FLNB: variants seen among roughly 807,000 people sequenced by gnomAD.
The protein encoded by FLNB is filamin-B.
In FLNB, 111 loss-of-function variants were observed where a neutral mutation model predicts 250.6. The observed-to-expected ratio is 0.44, with a 90% confidence interval of 0.38 to 0.52. The LOEUF (loss-of-function observed/expected upper bound fraction) is 0.52, where lower values mean the gene tolerates loss of function less well. Ranked by LOEUF, FLNB falls within the 20% of genes least tolerant of loss-of-function variation. FLNB has a pLI of 0.00. For synonymous variants in FLNB, 1,302 were observed against 1,372.1 expected (o/e 0.95, Z 1.13); for missense variants, 2,869 against 3,447.8 (o/e 0.83, Z 4.20).
Position 58,138,314 on chromosome 3 carries a change from G to C in FLNB, c.4894G>C (p.Glu1632Gln), listed in dbSNP as rs768316224. Residue 1632 changes from glutamate (E) to glutamine (Q), a missense_variant, in exon 29 of 46, where the codon GAA becomes CAA. Around this residue, in one of 5 missense-constraint regions of FLNB, gnomAD observed 1,084 missense variants for 1,315.5 expected, o/e 0.82. Coordinates refer to ENST00000295956, the MANE Select transcript of FLNB (RefSeq NM_001457.4). ...PGIASTVKTG[E>Q]EVGFVVDAKT... ...AATCGCCTCCACTGTGAAAACTGGC[G>C]AAGAAGTAGGCTTTGTGGTTGATGC... 1 of 1,614,058 alleles carries C rather than the reference G, an allele frequency of 6.2e-7. No homozygotes were observed. Among genetic ancestry groups the C allele is most frequent in the African/African-American group, 1.3e-5 (1 of 74,934 alleles).
At chr3:58,135,350 C>T (rs1261095720) in intron 27 of FLNB, among the ~76,000 whole-genome samples, 2 of 152,224 alleles carry the variant, frequency 1.3e-5, no homozygotes, top group Non-Finnish European at 2.9e-5. Context: ...CTCTCTGCTC[C>T]TCTACCTAGC....
chr3:58,117,655 C>T (rs1469200082), intron 18 of FLNB, among the ~76,000 whole-genome samples: 1 of 151,302 alleles, frequency 6.6e-6, no homozygotes, highest in Non-Finnish European at 1.5e-5. Flanking sequence ...CCTTGGCTGG[C>T]TCCCAGCTCT....
At chr3:58,060,065 G>C (rs527962247) in intron 1 of FLNB, among the ~76,000 whole-genome samples, 3 of 152,208 alleles carry the variant, frequency 2.0e-5, no homozygotes, top group Non-Finnish European at 2.9e-5. Flanking sequence ...TAAGGATTCA[G>C]GGGGGTAACT....
chr3:58,163,300 T>A lies in FLNB; in HGVS notation c.7168T>A (p.Tyr2390Asn), dbSNP rs1328022005. ...QAGNPALVSA[Y>N]GTGLEGGTTG... The stretch of plus-strand genomic sequence containing the variant: ...GGGGAACCCTGCCCTGGTGTCCGCC[T>A]ATGGCACGGGACTCGAAGGGGGCAC... Residue 2390 changes from tyrosine to asparagine, a missense_variant, in exon 43 of 46, where the codon TAT becomes AAT. Coordinates refer to ENST00000295956, the MANE Select transcript of FLNB (RefSeq NM_001457.4). 3.7e-6 allele frequency: 6 copies of A among 1,614,116 alleles called. No homozygotes were observed. The African/African-American group carries it at 5.3e-5, about 14-fold the overall frequency.
chr3:58,126,265 T>C (rs2097297665), intron 23 of FLNB, among the ~76,000 whole-genome samples: 1 of 152,068 alleles, frequency 6.6e-6, no homozygotes, highest in Admixed American at 6.5e-5. Flanking sequence ...TAATCCCAGC[T>C]ACTACTTGGG....
chr3:58,109,376 C>G, intron 14 of FLNB, 54 bp downstream of exon 14: 3 of 1,592,158 alleles, frequency 1.9e-6, no homozygotes, highest in Non-Finnish European at 2.6e-6. Context: ...GGTCATACAC[C>G]AGGTCTGGGA....
chr3:58,160,810 T>C (rs1302722200), intron 42 of FLNB, among the ~76,000 whole-genome samples: 1 of 151,912 alleles, frequency 6.6e-6, no homozygotes, highest in East Asian at 1.9e-4. Flanking sequence ...GTGAGACCCC[T>C]TCTCTACAAA....
rs9848629 is a variant in FLNB, at chr3:58,134,926, G to T, written c.4671+154G>T. 0.012 allele frequency among the ~76,000 whole-genome samples: 1,889 copies of T among 152,352 alleles called. 47 individuals are homozygous for T. The highest frequency in any genetic ancestry group is 0.043 in the African/African-American group (1,785 of 41,580). On this transcript the variant is annotated intron_variant, in intron 27 of 45. Coordinates refer to ENST00000295956, the MANE Select transcript of FLNB (RefSeq NM_001457.4). ...AAGAGTCAGTAAATGTGCAGAAGCA[G>T]AAGCAGCTCACCTGAGAGATTTGAG...
chr3:58,158,429 G>A (rs550038876), intron 41 of FLNB, among the ~76,000 whole-genome samples: 1 of 152,176 alleles, frequency 6.6e-6, no homozygotes, highest in Non-Finnish European at 1.5e-5. Context: ...TTGCCATGAA[G>A]ATGTGGTTCT....
chr3:58,076,064 T>A (rs1304961395), intron 1 of FLNB, among the ~76,000 whole-genome samples: 1 of 152,160 alleles, frequency 6.6e-6, no homozygotes, highest in African/African-American at 2.4e-5. Flanking sequence ...TGGGCACTTA[T>A]CCTCCTCACA....
chr3:58,084,329 G>T (rs1208560151), intron 4 of FLNB, among the ~76,000 whole-genome samples: 2 of 152,112 alleles, frequency 1.3e-5, no homozygotes, highest in Admixed American at 1.3e-4. Context: ...TTGTCAACCA[G>T]ATTGGTCAAA....
chr3:58,088,866 G>C (rs2097221561), intron 4 of FLNB, among the ~76,000 whole-genome samples: 1 of 152,178 alleles, frequency 6.6e-6, no homozygotes, highest in African/African-American at 2.4e-5. Flanking sequence ...TGGAGGAGCA[G>C]TAATGAGGCA....
chr3:58,142,690 G>C lies in FLNB; in HGVS notation c.5222G>C (p.Gly1741Ala), dbSNP rs961859965. 6.2e-7 allele frequency: 1 copy of C among 1,614,238 alleles called. No individual in the cohort carries two copies. Among genetic ancestry groups the C allele is most frequent in the African/African-American group, 1.3e-5 (1 of 75,068 alleles). Residue 1741 changes from glycine to alanine, a missense_variant, in exon 31 of 46, where the codon GGC (glycine) becomes GCC (alanine). Gly to Ala is a moderately conservative substitution (Grantham distance 60). This residue lies in a region of FLNB where 1,084 missense variants were observed against 1,315.5 expected (regional missense o/e 0.82). Transcript: ENST00000295956. This position sits in a 1 kb window ranked among gnomAD's most constrained non-coding sequence, Gnocchi z 4.3. Reference sequence around the variant, plus strand: ...TATGTCCCAGTGAGTGACATGAACGGCCTGGGATTTAAGCCTTTTGACCTG... The same window carrying C: ...TATGTCCCAGTGAGTGACATGAACGCCCTGGGATTTAAGCCTTTTGACCTG... ...EAYVPVSDMN[G>A]LGFKPFDLVI...
intron 1 of FLNB, among the ~76,000 whole-genome samples, chr3:58,057,068 C>T (rs149725665): frequency 1.0e-3 from 153 of 152,298 alleles, no homozygotes; most frequent in African/African-American, 3.6e-3. Context: ...CAGCCTTGAC[C>T]TCCTGGGCTC....
chr3:58,149,988 A>C lies in FLNB; in HGVS notation c.6230A>C (p.Asp2077Ala). The C allele has an allele frequency of 6.2e-7, 1 of 1,614,246 alleles. No homozygotes were observed. Residue 2077 changes from aspartate (D) to alanine (A), a missense_variant, in exon 37 of 46, where the codon GAC (aspartate) becomes GCC (alanine). Coordinates refer to ENST00000295956, the MANE Select transcript of FLNB (RefSeq NM_001457.4). Reference sequence around the variant, plus strand: ...TATATCGTCTCCACCAAATTCGCTGACGAGCACGTGCCTGGTATGTGCATT... The same window carrying C: ...TATATCGTCTCCACCAAATTCGCTGCCGAGCACGTGCCTGGTATGTGCATT... ...GVYIVSTKFA[D>A]EHVPGSPFTV...
intron 43 of FLNB, chr3:58,165,105 C>T (rs982034743): frequency 6.6e-6 from 1 of 152,324 alleles, no homozygotes; most frequent in Non-Finnish European, 1.5e-5. Flanking sequence ...CAGGTGGGGT[C>T]CTCTCGGCAC....
chr3:58,093,827 G>C (rs959079992), intron 4 of FLNB, among the ~76,000 whole-genome samples: 1 of 152,140 alleles, frequency 6.6e-6, no homozygotes, highest in African/African-American at 2.4e-5. Flanking sequence ...AACAACCTGG[G>C]TGAACCTGTA....
At chr3:58,020,342 C>T (rs1269719863) in intron 1 of FLNB, among the ~76,000 whole-genome samples, 2 of 152,172 alleles carry the variant, frequency 1.3e-5, no homozygotes, top group African/African-American at 2.4e-5. Flanking sequence ...AGCCTGCTTC[C>T]AATCCAAGCA....
chr3:58,108,120 A>G (rs1240529967), intron 12 of FLNB, among the ~76,000 whole-genome samples: 2 of 152,004 alleles, frequency 1.3e-5, no homozygotes, highest in African/African-American at 4.8e-5. Flanking sequence ...GAACAAAAAC[A>G]AAAACAAAAA....
Sources: allele counts gnomAD v4.1 joint callset (sites outside exome capture counted in the v4.1 genomes callset), GRCh38; gene constraint gnomAD v4.1.1; regional missense constraint gnomAD v4.1.1; non-coding constraint Gnocchi (gnomAD v3.1); transcripts MANE v1.5; gene names NCBI Gene and HGNC (gene_info 2026-07-23, HGNC 2026-07-21).